The following MPDZ variants were observed in gnomAD, a reference collection of about 807,000 sequenced individuals.
MPDZ encodes the protein multiple PDZ domain protein.
Under a neutral mutation model 239.1 loss-of-function variants are expected in MPDZ, and 234 were observed. The ratio of observed to expected loss-of-function variants is 0.98; its 90% CI spans 0.88 to 1.09. MPDZ has a LOEUF of 1.09. Among genes scored for constraint, MPDZ ranks in the 50% least tolerant of loss-of-function variants. MPDZ has a pLI of 0.00. For synonymous variants in MPDZ, 1,048 were observed against 881.3 expected (o/e 1.19, Z -3.35); for missense variants, 3,175 against 2,510.0 (o/e 1.26, Z -5.66).
chr9:13,145,336 G>A (rs1948291399), intron 26 of MPDZ, among the ~76,000 whole-genome samples: 1 of 151,974 alleles, frequency 6.6e-6, no homozygotes, highest in East Asian at 1.9e-4. Flanking sequence ...CCCCCTTTCA[G>A]TGAGAAAATG....
intron 1 of MPDZ, 143 bp downstream of exon 1, chr9:13,279,257 A>ACCCCCACCCCCACCCCCG (rs1975044823): frequency 8.4e-5 from 2 of 23,942 alleles, no homozygotes; most frequent in East Asian, 2.6e-3. Context: ...CCCTACCCCC[A>ACCCCCACCCCCACCCCCG]CCCCCACCCC....
chr9:13,164,607 G>GA (rs1950842084), intron 22 of MPDZ, among the ~76,000 whole-genome samples: 1 of 152,152 alleles, frequency 6.6e-6, no homozygotes, highest in Admixed American at 6.6e-5. Flanking sequence ...AGAAGGTAAA[G>GA]ATGTTTCCAT....
chr9:13,169,992 C>T (rs1951581680), intron 21 of MPDZ, among the ~76,000 whole-genome samples: 1 of 152,136 alleles, frequency 6.6e-6, no homozygotes, highest in Admixed American at 6.6e-5. Flanking sequence ...TGCATCCTAT[C>T]CTCATTCTAT....
intron 32 of MPDZ, among the ~76,000 whole-genome samples, chr9:13,132,522 A>C (rs1055335729): frequency 2.7e-4 from 41 of 152,216 alleles, no homozygotes; most frequent in African/African-American, 9.6e-4. Flanking sequence ...CCTAATGTGG[A>C]AATAGATGTG....
At chr9:13,153,537 A>C (rs978707304) in intron 24 of MPDZ, among the ~76,000 whole-genome samples, 1 of 151,870 alleles carries the variant, frequency 6.6e-6, no homozygotes, top group Non-Finnish European at 1.5e-5. Context: ...TTGACTTTCA[A>C]CCTCAATGTC....
At chr9:13,199,617 G>T (rs748951007) in intron 12 of MPDZ, among the ~76,000 whole-genome samples, 2 of 151,808 alleles carry the variant, frequency 1.3e-5, no homozygotes, top group African/African-American at 4.8e-5. Flanking sequence ...TTCTCTGTTC[G>T]GTATATTAGC....
chr9:13,229,605 C>CA (rs1564084904), intron 3 of MPDZ, among the ~76,000 whole-genome samples: 300 of 147,650 alleles, frequency 2.0e-3, no homozygotes, highest in African/African-American at 7.0e-3. Context: ...CACACACACA[C>CA]CCCCATCCAC....
chr9:13,219,451 T>C (rs1958786876), intron 8 of MPDZ, 108 bp downstream of exon 8: 2 of 920,760 alleles, frequency 2.2e-6, no homozygotes, highest in Non-Finnish European at 3.3e-6. Context: ...TTCCATTCTT[T>C]AGCACTAATA....
rs530670552 is a variant in MPDZ at position 13,121,766 on chromosome 9, C to G, written c.5204G>C (p.Gly1735Ala). Reference sequence around the variant, plus strand: ...TTTACCAACAATACTTAATCCTAGGCCTTTTCCCGGCTTCTTCTGCAGCTC... The same window carrying G: ...TTTACCAACAATACTTAATCCTAGGGCTTTTCCCGGCTTCTTCTGCAGCTC... The part of the protein sequence containing the change: ...TIELQKKPGK[G>A]LGLSIVGKRN... The change falls in exon 38 of 47, where the codon GGC (glycine) becomes GCC (alanine). Residue 1735 changes from glycine to alanine, a missense_variant. Physicochemically the swap from Gly to Ala is moderately conservative, Grantham distance 60. Transcript: ENST00000319217. 1 of 1,613,962 alleles carries G rather than the reference C, an allele frequency of 6.2e-7. No individual in the cohort carries two copies. The highest frequency in any genetic ancestry group is 2.2e-5 in the East Asian group (1 of 44,870).
intron 7 of MPDZ, among the ~76,000 whole-genome samples, chr9:13,220,920 CTG>C (rs1443741780): frequency 6.6e-6 from 1 of 151,972 alleles, no homozygotes; most frequent in Non-Finnish European, 1.5e-5. Context: ...AAAAAACAGG[CTG>C]TGTTTCATAC....
In MPDZ at chr9:13,106,764, ATGCAAGAAG is replaced by A; in HGVS notation, c.*192_*200del. 1 of 544,784 alleles carries A rather than the reference ATGCAAGAAG, an allele frequency of 1.8e-6. No homozygotes were observed. 33.7% of individuals were successfully genotyped at this position (544,784 alleles called of 1,614,324 possible). A position where few individuals can be genotyped will look rare whatever the true frequency, so the allele number is the denominator to read the frequency against. On this transcript the variant is annotated 3_prime_UTR_variant, in exon 47 of 47. Transcript: ENST00000319217. ...TATTCCTTCTCTTTAAGTTCACAAAATGCAAGAAGAAAAGAAAAATGATGTTAGGTTGTC... is the reference window on the plus strand; with the variant it reads ...TATTCCTTCTCTTTAAGTTCACAAAAAAAAGAAAAATGATGTTAGGTTGTC...
chr9:13,110,132 C>T (rs984098271), intron 44 of MPDZ, 68 bp from the exon 45 acceptor site: 39 of 1,025,034 alleles, frequency 3.8e-5, no homozygotes, highest in Non-Finnish European at 5.3e-5. Context: ...AATTTTTCTT[C>T]AGAAAGAGCA....
At chr9:13,120,618 T>C (rs1448905407) in intron 38 of MPDZ, 1 of 152,234 alleles carries the variant, frequency 6.6e-6, no homozygotes, top group Non-Finnish European at 1.5e-5. Context: ...TGCTAAATTC[T>C]TTCTGTGTTT....
intron 6 of MPDZ, 30 bp downstream of exon 6, chr9:13,222,203 C>T: frequency 6.3e-7 from 1 of 1,579,504 alleles, no homozygotes; most frequent in Non-Finnish European, 8.6e-7. Flanking sequence ...AAAATACGTT[C>T]TGTTCCTTTT....
chr9:13,193,924 T>TA (rs1049473613), intron 13 of MPDZ, among the ~76,000 whole-genome samples: 25 of 152,042 alleles, frequency 1.6e-4, no homozygotes, highest in Non-Finnish European at 2.9e-4. Flanking sequence ...ATAAAAGGAC[T>TA]AAAAAAAAGT....
chr9:13,115,691 A>G (rs1349334447), intron 39 of MPDZ, among the ~76,000 whole-genome samples: 2 of 152,118 alleles, frequency 1.3e-5, no homozygotes, highest in South Asian at 2.1e-4. Context: ...AGCGACTGTA[A>G]TCCCACCACT....
intron 39 of MPDZ, among the ~76,000 whole-genome samples, chr9:13,119,144 G>T (rs1943948170): frequency 6.6e-6 from 1 of 152,076 alleles, no homozygotes; most frequent in South Asian, 2.1e-4. Flanking sequence ...CAGGGTTTCT[G>T]TCACCTAAGC....
chr9:13,234,766 G>T (rs551534469), intron 3 of MPDZ, among the ~76,000 whole-genome samples: 169 of 152,082 alleles, frequency 1.1e-3, no homozygotes, highest in African/African-American at 4.0e-3. Flanking sequence ...CAAGAAATAA[G>T]CCATTCTTCA....
At chr9:13,198,703 T>G (rs1955968211) in intron 12 of MPDZ, among the ~76,000 whole-genome samples, 1 of 141,808 alleles carries the variant, frequency 7.1e-6, no homozygotes, top group South Asian at 2.3e-4. Context: ...AACGTTTCCT[T>G]CAGTTCTTAT....
Sources: gnomAD v4.1 joint callset for allele counts (sites outside exome capture counted in the v4.1 genomes callset) on GRCh38, gnomAD v4.1.1 for gene constraint, MANE v1.5 for transcripts, NCBI Gene and HGNC (gene_info 2026-07-23, HGNC 2026-07-21) for gene names.